The following RSU1 variants were observed in gnomAD, a reference collection of about 807,000 sequenced individuals.
RSU1 encodes rsu-1.
Under a neutral mutation model 31.1 loss-of-function variants are expected in RSU1, and 26 were observed. That is an observed-to-expected ratio of 0.84 (90% CI 0.61 to 1.16). RSU1 has a LOEUF of 1.16. RSU1 is among the 50% of genes most tolerant of loss of function. RSU1 has a pLI of 0.00. For synonymous variants in RSU1, 164 were observed against 136.3 expected (o/e 1.20, Z -1.41); for missense variants, 320 against 339.1 (o/e 0.94, Z 0.44).
At position 16,697,941 on chromosome 10, in the gene RSU1, C is replaced by A. The variant is rs1835713431; in HGVS notation, c.599-2786G>T. ...GGATTTTCAATCATTTACACAACTGCTTTGCTTTTAACATCTGGTTCAGAG... is the reference window on the plus strand; with the variant it reads ...GGATTTTCAATCATTTACACAACTGATTTGCTTTTAACATCTGGTTCAGAG... On this transcript the variant is annotated intron_variant, in intron 7 of 8. Transcript: ENST00000345264. 5.7e-5 allele frequency among the ~76,000 whole-genome samples: 8 copies of A among 140,130 alleles called. No homozygotes were observed. The South Asian group carries it at 1.6e-3, about 29-fold the overall frequency. 91.9% of individuals were successfully genotyped at this position (140,130 alleles called of 152,430 possible).
intron 2 of RSU1, among the ~76,000 whole-genome samples, chr10:16,790,381 C>CG (rs1307852991): frequency 1.3e-5 from 2 of 152,120 alleles, no homozygotes; most frequent in African/African-American, 2.4e-5. Flanking sequence ...ACACAACTTA[C>CG]GGAACAGAGA....
At chr10:16,768,338 G>A (rs1198530778) in intron 3 of RSU1, among the ~76,000 whole-genome samples, 1 of 152,172 alleles carries the variant, frequency 6.6e-6, no homozygotes, top group Non-Finnish European at 1.5e-5. Flanking sequence ...TCAATGATAT[G>A]GCTTTAAATA....
At chr10:16,650,878 G>C (rs908358795) in intron 8 of RSU1, among the ~76,000 whole-genome samples, 12 of 152,076 alleles carry the variant, frequency 7.9e-5, no homozygotes, top group African/African-American at 2.9e-4. Context: ...ACTGCACCTG[G>C]CTGAAAAACT....
chr10:16,759,877 A>ATGGAGGGTGCCTTT (rs145997772), intron 4 of RSU1, among the ~76,000 whole-genome samples: 32,485 of 152,100 alleles, frequency 0.21, 3,667 homozygotes, highest in African/African-American at 0.3. Flanking sequence ...GCAAATTCTG[A>ATGGAGGGTGCCTTT]TGGATCACAC....
intron 7 of RSU1, among the ~76,000 whole-genome samples, chr10:16,736,826 G>C (rs56181531): frequency 0.03 from 4,616 of 152,064 alleles, 248 homozygotes; most frequent in African/African-American, 0.11. Context: ...GAAATAAATA[G>C]TATCTAAATT....
chr10:16,656,714 C>T (rs1000138533), intron 8 of RSU1, among the ~76,000 whole-genome samples: 1 of 152,174 alleles, frequency 6.6e-6, no homozygotes, highest in South Asian at 2.1e-4. Context: ...CTAACAGAAT[C>T]GGCTTATATA....
intron 7 of RSU1, among the ~76,000 whole-genome samples, chr10:16,700,218 G>T (rs1175901464): frequency 5.9e-5 from 9 of 152,080 alleles, no homozygotes; most frequent in Non-Finnish European, 1.3e-4. Context: ...CATCAAAGTA[G>T]CATTCCCTCC....
chr10:16,796,819 A>C (rs1838045760), intron 2 of RSU1, among the ~76,000 whole-genome samples: 1 of 152,170 alleles, frequency 6.6e-6, no homozygotes, highest in African/African-American at 2.4e-5. Flanking sequence ...ATTCAAGGAC[A>C]CAATTTACAA....
intron 8 of RSU1, among the ~76,000 whole-genome samples, chr10:16,615,670 C>T (rs750464010): frequency 3.3e-5 from 5 of 151,684 alleles, no homozygotes; most frequent in Admixed American, 1.3e-4. Flanking sequence ...AGAATGAAAT[C>T]GTAACAGTCT....
At chr10:16,652,512 G>T (rs576454263) in intron 8 of RSU1, among the ~76,000 whole-genome samples, 1 of 151,552 alleles carries the variant, frequency 6.6e-6, no homozygotes, top group East Asian at 1.9e-4. Flanking sequence ...TGGTATACTG[G>T]TTATACACGT....
At chr10:16,675,797 C>A (rs752462527) in intron 8 of RSU1, among the ~76,000 whole-genome samples, 1 of 152,194 alleles carries the variant, frequency 6.6e-6, no homozygotes, top group Non-Finnish European at 1.5e-5. Context: ...AGCTGGCAGA[C>A]CTGACATCAC....
chr10:16,657,620 T>G (rs1362877925), intron 8 of RSU1, among the ~76,000 whole-genome samples: 1 of 152,200 alleles, frequency 6.6e-6, no homozygotes, highest in African/African-American at 2.4e-5. Context: ...AATATTTTAT[T>G]ATTCCTTTCC....
Position 16,752,908 on chromosome 10 carries a change from A to C in RSU1, c.483+10T>G. The C allele has an allele frequency of 6.2e-7, 1 of 1,610,442 alleles. No individual in the cohort carries two copies. Reference sequence around the variant, plus strand: ...AATTGATTTTCTAAGAATTTAGATAAATTACTTACTATCTGCAACTTTGTG... The same window carrying C: ...AATTGATTTTCTAAGAATTTAGATACATTACTTACTATCTGCAACTTTGTG... On this transcript the variant is annotated intron_variant, in intron 6 of 8. Coordinates refer to ENST00000345264, the MANE Select transcript of RSU1 (RefSeq NM_012425.4).
At chr10:16,815,704 C>A (rs1360503696) in intron 2 of RSU1, among the ~76,000 whole-genome samples, 1 of 152,172 alleles carries the variant, frequency 6.6e-6, no homozygotes, top group Non-Finnish European at 1.5e-5. Flanking sequence ...CAGTACAATC[C>A]TATGTGAGAG....
At chr10:16,732,979 G>C (rs543572006) in intron 7 of RSU1, among the ~76,000 whole-genome samples, 10 of 152,170 alleles carry the variant, frequency 6.6e-5, no homozygotes, top group Non-Finnish European at 1.3e-4. Flanking sequence ...GTTACTCTAA[G>C]CTTAAGGTTC....
rs77745362 is a variant in RSU1, at chr10:16,653,463, C to T, written c.731+41560G>A. On this transcript the variant is annotated intron_variant, in intron 8 of 8. Coordinates refer to ENST00000345264, the MANE Select transcript of RSU1 (RefSeq NM_012425.4). ...TGGTAGTAACACGGCTTTCCCTCCTCGCCCACACAGGATGGATGAGTATAA... is the reference window on the plus strand; with the variant it reads ...TGGTAGTAACACGGCTTTCCCTCCTTGCCCACACAGGATGGATGAGTATAA... 8.5e-4 allele frequency among the ~76,000 whole-genome samples: 130 copies of T among 152,196 alleles called. 1 individual carries two copies. The highest frequency in any genetic ancestry group is 2.2e-3 in the Admixed American group (34 of 15,292).
chr10:16,722,853 CAT>C (rs10604726), intron 7 of RSU1, among the ~76,000 whole-genome samples: 57,939 of 124,150 alleles, frequency 0.47, 14,111 homozygotes, highest in East Asian at 0.72. Flanking sequence ...TATATACACA[CAT>C]ATATACATAT....
rs1833491871 is a variant in RSU1 at position 16,590,766 on chromosome 10, C to T, written c.*2628G>A. 6.6e-6 allele frequency: 1 copy of T among 152,110 alleles called. No homozygotes were observed. Among genetic ancestry groups the T allele is most frequent in the Non-Finnish European group, 1.5e-5 (1 of 68,026 alleles). The allele number at this position is 152,110 out of a possible 1,614,324, so 9.4% of individuals were successfully genotyped here. A position where few individuals can be genotyped will look rare whatever the true frequency, so the allele number is the denominator to read the frequency against. ...TTAACTGCCTTAAAATAATTGTGTT[C>T]ACCTCTATTTAATTTTTATGCACAC... is the stretch of plus-strand genomic sequence containing the variant. On this transcript the variant is annotated 3_prime_UTR_variant, in exon 9 of 9. Transcript: ENST00000345264.
chr10:16,794,878 C>T (rs1004007753), intron 2 of RSU1, among the ~76,000 whole-genome samples: 4 of 152,208 alleles, frequency 2.6e-5, no homozygotes, highest in African/African-American at 9.6e-5. Flanking sequence ...CAGTTCCTAG[C>T]AGGTGAGACC....
Sources: allele counts gnomAD v4.1 joint callset (sites outside exome capture counted in the v4.1 genomes callset), GRCh38; gene constraint gnomAD v4.1.1; transcripts MANE v1.5; gene names NCBI Gene and HGNC (gene_info 2026-07-23, HGNC 2026-07-21).